Variants in AGMO observed in about 807,000 individuals in gnomAD.
The protein encoded by AGMO is alkylglycerol monooxygenase.
In AGMO, 75 loss-of-function variants were observed where a neutral mutation model predicts 60.2. That is an observed-to-expected ratio of 1.25 (90% CI 1.03 to 1.51). AGMO has a LOEUF of 1.51. AGMO is among the 40% of genes most tolerant of loss of function. AGMO has a pLI of 0.00. For synonymous variants in AGMO, 261 were observed against 177.1 expected, an observed-to-expected ratio of 1.47 and a Z score of -3.76; for missense variants, 763 against 525.5, an observed-to-expected ratio of 1.45 and a Z score of -4.42.
intron 12 of AGMO, among the ~76,000 whole-genome samples, chr7:15,301,424 G>C (rs1048553627): frequency 3.3e-5 from 5 of 151,396 alleles, no homozygotes; most frequent in African/African-American, 1.2e-4. Flanking sequence ...GGGAGACAGA[G>C]AGAGCTTCAG....
chr7:15,292,310 T>C (rs1236536490), intron 12 of AGMO, among the ~76,000 whole-genome samples: 2 of 152,124 alleles, frequency 1.3e-5, no homozygotes, highest in East Asian at 3.9e-4. Flanking sequence ...AACCAAGGCA[T>C]TTGTACTGTT....
chr7:15,449,332 T>TTCTC (rs71004379), intron 3 of AGMO, among the ~76,000 whole-genome samples: 32 of 149,850 alleles, frequency 2.1e-4, no homozygotes, highest in African/African-American at 3.7e-4. Context: ...GTGCTTCTCT[T>TTCTC]TCTCTCTCTC....
chr7:15,184,504 T>G, the AGMO span, among the ~76,000 whole-genome samples: 1,086 of 23,376 alleles, frequency 0.046, no homozygotes, highest in African/African-American at 0.05. Flanking sequence ...AAGGAAGGAA[T>G]AGAAGGAAGG....
intron 12 of AGMO, among the ~76,000 whole-genome samples, chr7:15,334,143 T>TA (rs1781579683): frequency 1.3e-5 from 2 of 152,074 alleles, no homozygotes; most frequent in Non-Finnish European, 2.9e-5. Flanking sequence ...ACAAAGGCTT[T>TA]AAAAGTCACA....
intron 10 of AGMO, among the ~76,000 whole-genome samples, chr7:15,375,332 G>C (rs1186228212): frequency 6.7e-6 from 1 of 149,572 alleles, no homozygotes. Flanking sequence ...ATACAGAAGA[G>C]AAAAGATGTT....
chr7:15,547,844 G>C (rs969053497), intron 2 of AGMO, among the ~76,000 whole-genome samples: 2 of 152,056 alleles, frequency 1.3e-5, no homozygotes, highest in African/African-American at 2.4e-5. Flanking sequence ...TGCCTCTGTA[G>C]GCTCCACCTC....
rs1337634022 is a variant in AGMO at position 15,274,326 on chromosome 7, A to C, written c.1264-72967T>G. Among the ~76,000 whole-genome samples the C allele has an allele frequency of 2.0e-5, 3 of 152,170 alleles. No homozygotes were observed. In the East Asian group the frequency reaches 5.8e-4, roughly 29 times the overall value. Reference sequence around the variant, plus strand: ...TAATTTATTGAGAGTTTTTAGCATGAAGGGCTGTTGAATGTTGTCAAAGGC... The same window carrying C: ...TAATTTATTGAGAGTTTTTAGCATGCAGGGCTGTTGAATGTTGTCAAAGGC... On this transcript the variant is annotated intron_variant, in intron 12 of 12. Transcript: ENST00000342526.
intron 5 of AGMO, among the ~76,000 whole-genome samples, chr7:15,416,316 G>A (rs1319567883): frequency 1.3e-5 from 2 of 152,062 alleles, no homozygotes; most frequent in Admixed American, 6.6e-5. Flanking sequence ...TTACAGACAT[G>A]AGCTTCTGTG....
chr7:15,366,305 C>T, intron 10 of AGMO, 83 bp from the exon 11 acceptor site: 1 of 980,686 alleles, frequency 1.0e-6, no homozygotes, highest in Non-Finnish European at 1.5e-6. Context: ...ACAAAACAGC[C>T]CAAATTTTAT....
intron 5 of AGMO, among the ~76,000 whole-genome samples, chr7:15,404,948 A>T (rs1419941245): frequency 1.3e-5 from 2 of 151,880 alleles, no homozygotes; most frequent in Non-Finnish European, 2.9e-5. Context: ...TCTGTTAAAA[A>T]ATATTTTCAG....
At chr7:15,505,121 T>G (rs1041525549) in intron 3 of AGMO, among the ~76,000 whole-genome samples, 2 of 151,662 alleles carry the variant, frequency 1.3e-5, no homozygotes, top group Non-Finnish European at 2.9e-5. Context: ...TATCCACGTT[T>G]CAAGTCAAAT....
chr7:15,212,768 C>T (rs563355806), intron 12 of AGMO, among the ~76,000 whole-genome samples: 73 of 152,030 alleles, frequency 4.8e-4, no homozygotes, highest in Non-Finnish European at 8.5e-4. Flanking sequence ...GTCAATTTTA[C>T]AGTTCCACCT....
intron 10 of AGMO, among the ~76,000 whole-genome samples, chr7:15,368,648 C>G (rs77026419): frequency 0.036 from 5,445 of 152,088 alleles, 119 homozygotes; most frequent in South Asian, 0.057. Flanking sequence ...AATTGATGGT[C>G]ATGGTTAGTA....
At chr7:15,302,755 T>C (rs750647576) in intron 12 of AGMO, among the ~76,000 whole-genome samples, 2 of 152,124 alleles carry the variant, frequency 1.3e-5, no homozygotes, top group Non-Finnish European at 2.9e-5. Context: ...TGTACCTCCA[T>C]CATATGGTAC....
At chr7:15,255,420 A>G (rs371581644) in intron 12 of AGMO, among the ~76,000 whole-genome samples, 9 of 147,994 alleles carry the variant, frequency 6.1e-5, no homozygotes, top group African/African-American at 2.1e-4. Context: ...ACATTTAAAG[A>G]AAGACTAATA....
chr7:15,515,471 C>A (rs77433068), intron 3 of AGMO, among the ~76,000 whole-genome samples: 4,754 of 152,276 alleles, frequency 0.031, 239 homozygotes, highest in African/African-American at 0.11. Context: ...CCCGTTAAAT[C>A]CCTGGAATTA....
chr7:15,394,069 T>G, intron 6 of AGMO, 44 bp downstream of exon 6: 1 of 1,431,530 alleles, frequency 7.0e-7, no homozygotes, highest in East Asian at 2.3e-5. Context: ...TAATGCAATT[T>G]TTAGAGAAAT....
Position 15,358,620 on chromosome 7 carries a change from T to C in AGMO, c.1263+6894A>G, listed in dbSNP as rs527239480. Reference sequence around the variant, plus strand: ...AAAAGACCTTAAACTTCCACTCTCCTGAGCTTAGCAGGGACTTCTGAACCA... The same window carrying C: ...AAAAGACCTTAAACTTCCACTCTCCCGAGCTTAGCAGGGACTTCTGAACCA... On this transcript the variant is annotated intron_variant, in intron 12 of 12. Transcript: ENST00000342526. 3.3e-3 allele frequency among the ~76,000 whole-genome samples: 500 copies of C among 152,262 alleles called. 1 individual carries two copies. Among genetic ancestry groups the C allele is most frequent in the Admixed American group, 7.0e-3 (107 of 15,280 alleles).
At chr7:15,450,856 A>G (rs1194497537) in intron 3 of AGMO, among the ~76,000 whole-genome samples, 1 of 152,178 alleles carries the variant, frequency 6.6e-6, no homozygotes, top group Non-Finnish European at 1.5e-5. Flanking sequence ...AACAACATAG[A>G]AATCCAAACA....
Sources: gnomAD v4.1 joint callset for allele counts (sites outside exome capture counted in the v4.1 genomes callset) on GRCh38, gnomAD v4.1.1 for gene constraint, MANE v1.5 for transcripts, NCBI Gene and HGNC (gene_info 2026-07-23, HGNC 2026-07-21) for gene names.